Variants in FAM184B observed in about 807,000 individuals in gnomAD.
FAM184B encodes the protein protein FAM184B.
Under a neutral mutation model 135.9 loss-of-function variants are expected in FAM184B, and 111 were observed. The ratio of observed to expected loss-of-function variants is 0.82; its 90% CI spans 0.70 to 0.96. The LOEUF is 0.96. FAM184B is among the 40% of genes least tolerant of loss of function. FAM184B has a pLI of 0.00. For synonymous variants in FAM184B, 552 were observed against 524.8 expected, an observed-to-expected ratio of 1.05 and a Z score of -0.71; for missense variants, 1,375 against 1,323.9, an observed-to-expected ratio of 1.04 and a Z score of -0.60.
intron 6 of FAM184B, 106 bp from the exon 7 acceptor site, chr4:17,688,637 G>T: frequency 5.9e-6 from 3 of 507,388 alleles, no homozygotes; most frequent in Non-Finnish European, 9.9e-6. Context: ...GTTCTGGGGA[G>T]AGTGCCCCAT....
intron 1 of FAM184B, among the ~76,000 whole-genome samples, chr4:17,724,096 CA>C (rs917427879): frequency 7.1e-6 from 1 of 141,802 alleles, no homozygotes; most frequent in South Asian, 2.4e-4. Flanking sequence ...AAGAGGGAGG[CA>C]AAAAAACAAA....
At chr4:17,709,705 G>A in intron 1 of FAM184B, 61 bp from the exon 2 acceptor site, 4 of 1,401,866 alleles carry the variant, frequency 2.9e-6, no homozygotes, top group Non-Finnish European at 3.7e-6. Flanking sequence ...GAGGGCTGAG[G>A]GGACAGAGCA....
intron 1 of FAM184B, among the ~76,000 whole-genome samples, chr4:17,773,664 G>A (rs1040733831): frequency 1.6e-4 from 25 of 152,112 alleles, no homozygotes; most frequent in East Asian, 3.9e-4. Context: ...TGCAACCTCC[G>A]CCTCCCGGGT....
rs1181357723 is a variant in FAM184B, at chr4:17,709,487, C to A, written c.299G>T (p.Arg100Leu). 3 of 1,547,604 alleles carry A rather than the reference C, an allele frequency of 1.9e-6. No homozygotes were observed. Among genetic ancestry groups the A allele is most frequent in the African/African-American group, 2.7e-5 (2 of 73,062 alleles). Residue 100 changes from arginine (R) to leucine (L), a missense_variant, in exon 2 of 18, where the codon CGC (arginine) becomes CTC (leucine). Arg to Leu is a moderately radical substitution (Grantham distance 102). Coordinates refer to ENST00000265018, the MANE Select transcript of FAM184B (RefSeq NM_015688.2). ...CAGGGCGCTCTCCAGGGCCTGGATG[C>A]GCTGTAGAAGGGCTTCCTCCTCTGC... ...GCAEEEALLQ[R>L]IQALESALEL... is the part of the protein sequence containing the mutation.
At chr4:17,652,146 T>TTTTTTTTTTTTTTTG (rs762642185) in intron 11 of FAM184B, among the ~76,000 whole-genome samples, 1 of 131,934 alleles carries the variant, frequency 7.6e-6, no homozygotes, top group Non-Finnish European at 1.6e-5. Context: ...TTTTTTTTTT[T>TTTTTTTTTTTTTTTG]TTGAGTCTTG....
In FAM184B at chr4:17,630,754, A is replaced by G. The variant is rs951902634; in HGVS notation, c.*1778T>C. The G allele has an allele frequency of 3.3e-5, 5 of 149,898 alleles. No homozygotes were observed. Among genetic ancestry groups the G allele is most frequent in the African/African-American group, 1.2e-4 (5 of 41,126 alleles). The allele number at this position is 149,898 out of a possible 1,614,324, so 9.3% of individuals were successfully genotyped here. A position where few individuals can be genotyped will look rare whatever the true frequency, so the allele number is the denominator to read the frequency against. ...GGCAGTAAATTTACCTTTAATACGT[A>G]AGTTTGACAGTTATATGTAATCAGC... On this transcript the variant is annotated 3_prime_UTR_variant, in exon 18 of 18. Transcript: ENST00000265018.
rs775484335 is a variant in FAM184B, at chr4:17,709,578, G to A, written c.208C>T (p.His70Tyr). 5.2e-6 allele frequency: 8 copies of A among 1,548,272 alleles called. No homozygotes were observed. In the African/African-American group the frequency reaches 1.1e-4, roughly 21 times the overall value. The change falls in exon 2 of 18, where the codon CAC becomes TAC. Residue 70 changes from histidine to tyrosine, a missense_variant. Physicochemically the swap from His to Tyr is moderately conservative, Grantham distance 83 (BLOSUM62 2). Transcript: ENST00000265018. The stretch of plus-strand genomic sequence containing the variant: ...ACCGCATTCTGGAGCTCCTCCTGGT[G>A]CGCTTCCCGCAGCGCCTCCATGCTG... ...EASMEALREAHQEELQNAVAE... is the reference protein window; with the variant it reads ...EASMEALREAYQEELQNAVAE...
chr4:17,708,713 T>TA (rs1310722538), intron 2 of FAM184B, among the ~76,000 whole-genome samples, 179 bp downstream of exon 2: 1 of 43,930 alleles, frequency 2.3e-5, no homozygotes, highest in African/African-American at 9.3e-5. Flanking sequence ...ATATATAGTG[T>TA]CTGTGTGTGT....
At chr4:17,766,698 T>TA (rs1718701072) in intron 1 of FAM184B, among the ~76,000 whole-genome samples, 1 of 152,220 alleles carries the variant, frequency 6.6e-6, no homozygotes, top group Admixed American at 6.5e-5. Context: ...TCGCTAGACA[T>TA]AAAGATTCTC....
At chr4:17,682,459 ATCTC>A (rs891881193) in intron 7 of FAM184B, among the ~76,000 whole-genome samples, 13 of 151,098 alleles carry the variant, frequency 8.6e-5, no homozygotes, top group African/African-American at 2.9e-4. Context: ...TATTATTTTT[ATCTC>A]TCTCTCTCTC....
intron 3 of FAM184B, among the ~76,000 whole-genome samples, chr4:17,706,712 T>C (rs999455215): frequency 6.6e-6 from 1 of 152,180 alleles, no homozygotes; most frequent in African/African-American, 2.4e-5. Context: ...CTAACGCCTA[T>C]AATCCCAGCA....
At chr4:17,705,331 G>A (rs565441522) in intron 4 of FAM184B, 125 bp from the exon 5 acceptor site, 54 of 741,772 alleles carry the variant, frequency 7.3e-5, no homozygotes, top group Non-Finnish European at 1.1e-4. Flanking sequence ...AGCACAAGGT[G>A]CAATCAATTT....
Position 17,664,674 on chromosome 4 carries a change from GAAAAAGA to G in FAM184B, c.1597-22_1597-16del. ...AAGCATGGATCCTAAGGCCAAAAAA[GAAAAAGA>G]AAAAAAAAAAAAAGGCAAGATGAGC... On this transcript the variant is annotated splice_polypyrimidine_tract_variant and intron_variant, in intron 7 of 17. Transcript: ENST00000265018. 9.2e-7 allele frequency: 1 copy of G among 1,087,386 alleles called. No individual in the cohort carries two copies. The highest frequency in any genetic ancestry group is 1.2e-6 in the Non-Finnish European group (1 of 830,320). 67.4% of individuals were successfully genotyped at this position (1,087,386 alleles called of 1,614,324 possible).
At position 17,753,353 on chromosome 4, in the gene FAM184B, G is replaced by A. The variant is rs945206879; in HGVS notation, c.141+27806C>T. Among the ~76,000 whole-genome samples, 5 of 152,122 alleles carry A rather than the reference G, an allele frequency of 3.3e-5. 1 individual carries two copies. Among genetic ancestry groups the A allele is most frequent in the South Asian group, 4.1e-4 (2 of 4,828 alleles). On this transcript the variant is annotated intron_variant, in intron 1 of 17. Coordinates refer to ENST00000265018, the MANE Select transcript of FAM184B (RefSeq NM_015688.2). ...TAAAGGAATAAGCTTGAACTTATAA[G>A]ACCAAATTTTATTAAAACAAGGCTT...
chr4:17,774,451 G>A (rs149790190), intron 1 of FAM184B, among the ~76,000 whole-genome samples: 60 of 152,296 alleles, frequency 3.9e-4, no homozygotes, highest in Admixed American at 1.2e-3. Flanking sequence ...AGGTGGACAC[G>A]GGCCCAGAGG....
chr4:17,753,027 T>G (rs1718336535), intron 1 of FAM184B, among the ~76,000 whole-genome samples: 1 of 152,212 alleles, frequency 6.6e-6, no homozygotes, highest in South Asian at 2.1e-4. Flanking sequence ...TGTTGCAAGG[T>G]CTTTTCAATT....
At position 17,631,514 on chromosome 4, in the gene FAM184B, G is replaced by C. The variant is rs1159823830; in HGVS notation, c.*1018C>G. The C allele has an allele frequency of 6.6e-6, 1 of 152,196 alleles. No homozygotes were observed. Among genetic ancestry groups the C allele is most frequent in the Non-Finnish European group, 1.5e-5 (1 of 68,052 alleles). 9.4% of individuals were successfully genotyped at this position (152,196 alleles called of 1,614,324 possible). ...AGATAATCTAGAGACCTTCACAAGT[G>C]ATCATGTTGGCACTATGGTCATTAC... is the stretch of plus-strand genomic sequence containing the variant. On this transcript the variant is annotated 3_prime_UTR_variant, in exon 18 of 18. Transcript: ENST00000265018.
chr4:17,730,416 G>A (rs534951109), intron 1 of FAM184B, among the ~76,000 whole-genome samples: 6 of 152,094 alleles, frequency 3.9e-5, no homozygotes, highest in Middle Eastern at 3.4e-3. Context: ...TACAGAGAAC[G>A]CCACAAAGAT....
In FAM184B at chr4:17,709,195, C is replaced by G. The variant is rs1717190886; in HGVS notation, c.591G>C (p.Leu197=). The part of the protein sequence containing the change: ...PGQGPEMQEV[L]LEVQRLRVEN... ...CCACTCGCAGCCGCTGCACCTCTAG[C>G]AGGACCTCCTGCATCTCCGGGCCCT... is the stretch of plus-strand genomic sequence containing the variant. Residue 197 remains leucine (L), a synonymous_variant, in exon 2 of 18, where the codon CTG becomes CTC. Coordinates refer to ENST00000265018, the MANE Select transcript of FAM184B (RefSeq NM_015688.2). 1 of 1,548,270 alleles carries G rather than the reference C, an allele frequency of 6.5e-7. No individual in the cohort carries two copies. Among genetic ancestry groups the G allele is most frequent in the Non-Finnish European group, 8.7e-7 (1 of 1,146,570 alleles).
Sources: allele counts gnomAD v4.1 joint callset (sites outside exome capture counted in the v4.1 genomes callset), GRCh38; gene constraint gnomAD v4.1.1; transcripts MANE v1.5; gene names NCBI Gene and HGNC (gene_info 2026-07-23, HGNC 2026-07-21).